ICE1: variants seen among roughly 807,000 people sequenced by gnomAD.
The protein encoded by ICE1 is little elongation complex subunit 1.
In ICE1, 64 loss-of-function variants were observed where a neutral mutation model predicts 192.7. The ratio of observed to expected loss-of-function variants is 0.33; its 90% CI spans 0.27 to 0.41. The LOEUF (loss-of-function observed/expected upper bound fraction) is 0.41. Among genes scored for constraint, ICE1 ranks in the 10% least tolerant of loss-of-function variants. ICE1 has a pLI of 1.00. For synonymous variants in ICE1, 1,010 were observed against 984.5 expected, an observed-to-expected ratio of 1.03 and a Z score of -0.49; for missense variants, 2,708 against 2,696.0, an observed-to-expected ratio of 1.00 and a Z score of -0.10.
chr5:5,436,552 C>T (rs989916568), intron 2 of ICE1, 76 bp downstream of exon 2: 34 of 781,506 alleles, frequency 4.4e-5, no homozygotes, highest in Non-Finnish European at 6.2e-5. Flanking sequence ...TGCTTTTAGG[C>T]CCCCAGGGCT....
At chr5:5,448,097 AAG>A (rs1227773690) in intron 10 of ICE1, among the ~76,000 whole-genome samples, 200 bp downstream of exon 10, 6 of 152,240 alleles carry the variant, frequency 3.9e-5, no homozygotes, top group African/African-American at 1.2e-4. Flanking sequence ...CAGTGAATAA[AAG>A]AGTCAAAAAT....
In ICE1 at chr5:5,476,049, A is replaced by G. The variant is rs752549726; in HGVS notation, c.6490A>G (p.Ile2164Val). ...GHANIAYTPD[I>V]IIASILRLIG... ...TGCAAACATTGCGTATACTCCTGAT[A>G]TTATTATAGCCTCAATACTGAGGCT... Residue 2164 changes from isoleucine to valine, a missense_variant, in exon 17 of 19, where the codon ATT becomes GTT. This residue lies in a region of ICE1 where 342 missense variants were observed against 419.3 expected (regional missense o/e 0.82). Coordinates refer to ENST00000296564, the MANE Select transcript of ICE1 (RefSeq NM_015325.3). 1 of 1,607,658 alleles carries G rather than the reference A, an allele frequency of 6.2e-7. No homozygotes were observed. Among genetic ancestry groups the G allele is most frequent in the Non-Finnish European group, 8.5e-7 (1 of 1,175,364 alleles).
At chr5:5,438,684 A>G (rs1263050562) in intron 3 of ICE1, among the ~76,000 whole-genome samples, 2 of 152,212 alleles carry the variant, frequency 1.3e-5, no homozygotes, top group Admixed American at 1.3e-4. Context: ...GAGTTAACTT[A>G]TACATGTAAC....
At chr5:5,477,942 C>T (rs1739366135) in intron 17 of ICE1, among the ~76,000 whole-genome samples, 1 of 152,176 alleles carries the variant, frequency 6.6e-6, no homozygotes. Context: ...TCCCTTCATG[C>T]TAAAAACTCT....
At chr5:5,484,565 G>C (rs1739587274) in intron 17 of ICE1, among the ~76,000 whole-genome samples, 1 of 152,170 alleles carries the variant, frequency 6.6e-6, no homozygotes, top group South Asian at 2.1e-4. Context: ...AGTTTCCTAG[G>C]CTCCCTAGAA....
chr5:5,432,780 C>T (rs1737760219), intron 1 of ICE1, among the ~76,000 whole-genome samples: 1 of 152,112 alleles, frequency 6.6e-6, no homozygotes, highest in African/African-American at 2.4e-5. Context: ...TCAAAAATAA[C>T]TTGTTTCGCA....
rs536578189 is a variant in ICE1 at position 5,446,388 on chromosome 5, A to G, written c.425-1039A>G. Among the ~76,000 whole-genome samples, 10 of 152,216 alleles carry G rather than the reference A, an allele frequency of 6.6e-5. No homozygotes were observed. In the South Asian group the frequency reaches 2.1e-3, roughly 32 times the overall value. On this transcript the variant is annotated intron_variant, in intron 7 of 18. Transcript: ENST00000296564. ...TGGCTTACTGCAGCCTCAGCCTCCC[A>G]GACTCAGGTGATTATTCCACCTCCT...
Position 5,476,075 on chromosome 5 carries a change from G to C in ICE1, c.6516G>C (p.Leu2172=), listed in dbSNP as rs775293297. The change falls in exon 17 of 19, where the codon CTG becomes CTC. Residue 2172 remains leucine, a synonymous_variant. Transcript: ENST00000296564. ...TTATTATAGCCTCAATACTGAGGCT[G>C]ATTGGTAAGTTGTCTGTTTTATTAT... ...PDIIIASILR[L]IGRLGQLGLK... 9.2e-6 allele frequency: 14 copies of C among 1,526,526 alleles called. No individual in the cohort carries two copies. In the African/African-American group the frequency reaches 1.8e-4, roughly 20 times the overall value. 94.6% of individuals were successfully genotyped at this position (1,526,526 alleles called of 1,614,324 possible).
intron 1 of ICE1, among the ~76,000 whole-genome samples, chr5:5,423,587 A>G (rs1737406674): frequency 6.6e-6 from 1 of 152,240 alleles, no homozygotes; most frequent in Non-Finnish European, 1.5e-5. Flanking sequence ...TATGAAAGGC[A>G]TGCAGAGACT....
At chr5:5,454,984 A>G (rs1280480509) in intron 11 of ICE1, among the ~76,000 whole-genome samples, 1 of 152,170 alleles carries the variant, frequency 6.6e-6, no homozygotes, top group Non-Finnish European at 1.5e-5. Context: ...GTTTATTTTT[A>G]GTGTAATTTA....
rs1739735721 is a variant in ICE1 at position 5,489,714 on chromosome 5, T to G, written c.*384T>G. 6.4e-6 allele frequency: 1 copy of G among 155,756 alleles called. No homozygotes were observed. The highest frequency in any genetic ancestry group is 2.4e-5 in the African/African-American group (1 of 41,568). 9.6% of individuals were successfully genotyped at this position (155,756 alleles called of 1,614,324 possible). ...TAAAAACATGATTTGGTTCCTGAGC[T>G]GTTGTTGTTGGACTTGTGTTCCAAT... On this transcript the variant is annotated 3_prime_UTR_variant, in exon 19 of 19. Coordinates refer to ENST00000296564, the MANE Select transcript of ICE1 (RefSeq NM_015325.3).
chr5:5,436,928 A>G (rs1229964517), intron 2 of ICE1, among the ~76,000 whole-genome samples, 152 bp from the exon 3 acceptor site: 2 of 152,202 alleles, frequency 1.3e-5, no homozygotes, highest in Non-Finnish European at 2.9e-5. Flanking sequence ...GCTTTTGAGA[A>G]ATTTAAGGTG....
Position 5,437,110 on chromosome 5 carries a change from T to C in ICE1, c.174T>C (p.Cys58=). ...DNLLTEYQKK[C]DELQFARREN... Reference sequence around the variant, plus strand: ...TGTTAACAGAATATCAGAAGAAATGTGATGATATCCTTTTACTGGCTTTTT... The same window carrying C: ...TGTTAACAGAATATCAGAAGAAATGCGATGATATCCTTTTACTGGCTTTTT... Residue 58 remains cysteine (C), a synonymous_variant, in exon 3 of 19, where the codon TGT becomes TGC. Coordinates refer to ENST00000296564, the MANE Select transcript of ICE1 (RefSeq NM_015325.3). 6.5e-7 allele frequency: 1 copy of C among 1,535,314 alleles called. No homozygotes were observed. Among genetic ancestry groups the C allele is most frequent in the Admixed American group, 1.9e-5 (1 of 53,210 alleles).
intron 10 of ICE1, among the ~76,000 whole-genome samples, chr5:5,448,984 A>C (rs971766298): frequency 2.6e-5 from 4 of 152,184 alleles, no homozygotes; most frequent in Admixed American, 2.6e-4. Flanking sequence ...TTTCCCATTC[A>C]GTAGTCAGCG....
At chr5:5,459,949 GA>G (rs1738715746) in intron 12 of ICE1, among the ~76,000 whole-genome samples, 1 of 152,134 alleles carries the variant, frequency 6.6e-6, no homozygotes, top group Non-Finnish European at 1.5e-5. Flanking sequence ...ACATGTTGGG[GA>G]GGAGATATGT....
At chr5:5,447,988 T>A in intron 10 of ICE1, 91 bp downstream of exon 10, 1 of 956,838 alleles carries the variant, frequency 1.0e-6, no homozygotes. Context: ...ATTGTGAAAG[T>A]GCCAGGGCTT....
chr5:5,482,810 A>T (rs997348617), intron 17 of ICE1, among the ~76,000 whole-genome samples: 5 of 145,720 alleles, frequency 3.4e-5, no homozygotes, highest in Non-Finnish European at 4.5e-5. Context: ...ACACACACAC[A>T]CTCATCTGGA....
intron 12 of ICE1, among the ~76,000 whole-genome samples, chr5:5,458,723 A>G (rs959265519): frequency 1.3e-5 from 2 of 152,184 alleles, no homozygotes; most frequent in African/African-American, 4.8e-5. Context: ...TGAAGGGGGA[A>G]ATCTTTGATG....
chr5:5,447,940 T>C (rs1354777517), intron 10 of ICE1, 43 bp downstream of exon 10: 6 of 1,449,062 alleles, frequency 4.1e-6, no homozygotes, highest in Non-Finnish European at 5.7e-6. Context: ...TGTATTGCTC[T>C]TAGTGGGTTG....
Sources: allele counts gnomAD v4.1 joint callset (sites outside exome capture counted in the v4.1 genomes callset), GRCh38; gene constraint gnomAD v4.1.1; regional missense constraint gnomAD v4.1.1; transcripts MANE v1.5; gene names NCBI Gene and HGNC (gene_info 2026-07-23, HGNC 2026-07-21).